ITPR2: variants seen among roughly 807,000 people sequenced by gnomAD.
The protein encoded by ITPR2 is inositol 1,4,5-trisphosphate-gated calcium channel ITPR2.
A neutral mutation model predicts 317.1 loss-of-function variants in ITPR2; 207 were observed. The ratio of observed to expected loss-of-function variants is 0.65; its 90% CI spans 0.58 to 0.73. The LOEUF (loss-of-function observed/expected upper bound fraction) is 0.73. Ranked by LOEUF, ITPR2 falls within the 30% of genes least tolerant of loss-of-function variation. The pLI is 0.00. For synonymous variants in ITPR2, 1,156 were observed against 1,149.1 expected, an observed-to-expected ratio of 1.01 and a Z score of -0.12; for missense variants, 2,613 against 3,284.0, an observed-to-expected ratio of 0.80 and a Z score of 4.99.
Position 26,645,369 on chromosome 12 carries a change from T to A in ITPR2, c.2740+8607A>T, listed in dbSNP as rs576646253. Among the ~76,000 whole-genome samples, 4 of 152,362 alleles carry A rather than the reference T, an allele frequency of 2.6e-5. No homozygotes were observed. The East Asian group carries it at 7.7e-4, about 29-fold the overall frequency. ...GTGGATGGGATTATACCCATGTTCC[T>A]GCCTTTTCTTAGAGTCTAAAGCTTC... On this transcript the variant is annotated intron_variant, in intron 21 of 56. Transcript: ENST00000381340.
At chr12:26,421,379 C>G (rs1940885374) in intron 49 of ITPR2, 1 of 152,038 alleles carries the variant, frequency 6.6e-6, no homozygotes, top group African/African-American at 2.4e-5. Flanking sequence ...TGGCGTCTAC[C>G]TATTTCTGTT....
At position 26,632,040 on chromosome 12, in the gene ITPR2, G is replaced by A; in HGVS notation, c.2760C>T (p.Thr920=). Residue 920 remains threonine, a synonymous_variant, in exon 22 of 57, where the codon ACC becomes ACT. Transcript: ENST00000381340. ...FQDGGNNVMR[T]IHGVGEMMTQ... Reference sequence around the variant, plus strand: ...TCATCATCTCTCCCACCCCATGAATGGTTCTCATCACATTGTTTCCTGGCA... The same window carrying A: ...TCATCATCTCTCCCACCCCATGAATAGTTCTCATCACATTGTTTCCTGGCA... 1 of 1,563,848 alleles carries A rather than the reference G, an allele frequency of 6.4e-7. No homozygotes were observed. Among genetic ancestry groups the A allele is most frequent in the Non-Finnish European group, 8.6e-7 (1 of 1,156,840 alleles).
At chr12:26,707,870 T>C (rs983471490) in intron 9 of ITPR2, among the ~76,000 whole-genome samples, 2 of 149,704 alleles carry the variant, frequency 1.3e-5, no homozygotes, top group African/African-American at 5.0e-5. Flanking sequence ...AACCAGAATA[T>C]ATAAGGAGCT....
chr12:26,789,068 G>A (rs1950302712), intron 2 of ITPR2, among the ~76,000 whole-genome samples: 1 of 152,168 alleles, frequency 6.6e-6, no homozygotes, highest in African/African-American at 2.4e-5. Flanking sequence ...CCCAGGGTTA[G>A]GAGAGTATCC....
At chr12:26,343,552 T>A (rs922217203) in intron 55 of ITPR2, among the ~76,000 whole-genome samples, 1 of 152,178 alleles carries the variant, frequency 6.6e-6, no homozygotes, top group Non-Finnish European at 1.5e-5. Context: ...GTGTTATATA[T>A]ATTTTACCAC....
chr12:26,493,276 G>T (rs2136868659), intron 39 of ITPR2, among the ~76,000 whole-genome samples: 1 of 152,258 alleles, frequency 6.6e-6, no homozygotes, highest in African/African-American at 2.4e-5. Flanking sequence ...TGTTCCTATT[G>T]TTCAATGTAT....
chr12:26,602,070 T>C (rs1565632704), intron 28 of ITPR2, among the ~76,000 whole-genome samples: 2 of 152,190 alleles, frequency 1.3e-5, no homozygotes, highest in East Asian at 3.9e-4. Flanking sequence ...GATTCTGAAG[T>C]GGATCTTTTT....
In ITPR2 at chr12:26,336,027, G is replaced by A. The variant is rs887730591; in HGVS notation, c.*3370C>T. On this transcript the variant is annotated 3_prime_UTR_variant, in exon 57 of 57. Transcript: ENST00000381340. ...GCTTTGTTCTCTGCATGGGTGAGGGGTATCTCTGGGGTCCATCAACTATTA... is the reference window on the plus strand; with the variant it reads ...GCTTTGTTCTCTGCATGGGTGAGGGATATCTCTGGGGTCCATCAACTATTA... The A allele has an allele frequency of 1.3e-5, 2 of 152,176 alleles. No homozygotes were observed. Among genetic ancestry groups the A allele is most frequent in the Non-Finnish European group, 2.9e-5 (2 of 68,044 alleles). The allele number at this position is 152,176 out of a possible 1,614,324, so 9.4% of individuals were successfully genotyped here.
At chr12:26,494,771 G>GACAAAAAAAA (rs1208484486) in intron 38 of ITPR2, among the ~76,000 whole-genome samples, 1 of 50,350 alleles carries the variant, frequency 2.0e-5, no homozygotes, top group African/African-American at 9.3e-5. Flanking sequence ...CTCTGCCTCA[G>GACAAAAAAAA]AAAAAAAAAA....
intron 31 of ITPR2, 147 bp downstream of exon 31, chr12:26,596,736 T>G: frequency 3.7e-6 from 2 of 542,306 alleles, no homozygotes; most frequent in East Asian, 7.1e-5. Context: ...CTCTTTTACA[T>G]TTTCCAAATT....
At chr12:26,712,011 A>G (rs1948651069) in intron 8 of ITPR2, among the ~76,000 whole-genome samples, 1 of 152,166 alleles carries the variant, frequency 6.6e-6, no homozygotes, top group Admixed American at 6.6e-5. Flanking sequence ...CTCACTGGGA[A>G]TGAATGCAGT....
intron 1 of ITPR2, among the ~76,000 whole-genome samples, chr12:26,821,383 C>A (rs1950935596): frequency 6.6e-6 from 1 of 152,186 alleles, no homozygotes; most frequent in South Asian, 2.1e-4. Context: ...CAAATTCCAT[C>A]ACCTCATAAT....
chr12:26,809,580 A>G (rs910482065), intron 1 of ITPR2, among the ~76,000 whole-genome samples: 4 of 152,162 alleles, frequency 2.6e-5, no homozygotes, highest in African/African-American at 9.7e-5. Context: ...CCTTCTATCC[A>G]TATCTGCCTT....
chr12:26,389,243 C>T (rs962535991), intron 54 of ITPR2, among the ~76,000 whole-genome samples: 1 of 152,158 alleles, frequency 6.6e-6, no homozygotes, highest in South Asian at 2.1e-4. Flanking sequence ...CCAACAATGG[C>T]TCCTCCACCT....
chr12:26,396,375 A>G (rs1939998237), intron 54 of ITPR2, among the ~76,000 whole-genome samples: 1 of 152,152 alleles, frequency 6.6e-6, no homozygotes, highest in South Asian at 2.1e-4. Flanking sequence ...AGCCTCCTAA[A>G]TGAGAAACCA....
At chr12:26,423,363 A>G (rs1940952399) in intron 49 of ITPR2, among the ~76,000 whole-genome samples, 1 of 152,192 alleles carries the variant, frequency 6.6e-6, no homozygotes, top group Admixed American at 6.5e-5. Context: ...ACATTACCCT[A>G]TTAAATTTGA....
At chr12:26,388,556 T>C (rs1939735640) in intron 54 of ITPR2, among the ~76,000 whole-genome samples, 1 of 151,990 alleles carries the variant, frequency 6.6e-6, no homozygotes, top group African/African-American at 2.4e-5. Context: ...CAGGTTCAAT[T>C]GATCCTCCTA....
At chr12:26,367,571 C>T (rs1012788915) in intron 55 of ITPR2, among the ~76,000 whole-genome samples, 16 of 152,080 alleles carry the variant, frequency 1.1e-4, no homozygotes, top group Admixed American at 4.6e-4. Context: ...CTGAAAAAAC[C>T]TTTAACGCAG....
At chr12:26,441,164 C>T (rs1291037863) in intron 46 of ITPR2, among the ~76,000 whole-genome samples, 1 of 152,074 alleles carries the variant, frequency 6.6e-6, no homozygotes, top group East Asian at 1.9e-4. Context: ...AAAAAAGTTT[C>T]TAATTACTAG....
Sources: gnomAD v4.1 joint callset for allele counts (sites outside exome capture counted in the v4.1 genomes callset) on GRCh38, gnomAD v4.1.1 for gene constraint, MANE v1.5 for transcripts, NCBI Gene and HGNC (gene_info 2026-07-23, HGNC 2026-07-21) for gene names.